Variants in ATP9B observed in about 807,000 individuals in gnomAD.
ATP9B encodes probable phospholipid-transporting ATPase IIB.
Under a neutral mutation model 146.1 loss-of-function variants are expected in ATP9B, and 110 were observed. The observed-to-expected ratio is 0.75, with a 90% CI of 0.65 to 0.88. ATP9B has a LOEUF of 0.88. Ranked by LOEUF, ATP9B falls within the 40% of genes least tolerant of loss-of-function variation. The pLI, the probability that ATP9B is intolerant of heterozygous loss-of-function variation, is 0.00. For synonymous variants in ATP9B, 604 were observed against 569.7 expected, an observed-to-expected ratio of 1.06 and a Z score of -0.86; for missense variants, 1,499 against 1,496.4, an observed-to-expected ratio of 1.00 and a Z score of -0.03.
Position 79,334,023 on chromosome 18 carries a change from G to A in ATP9B, c.2029-2605G>A, listed in dbSNP as rs192791253. 3.1e-3 allele frequency among the ~76,000 whole-genome samples: 472 copies of A among 152,270 alleles called. 1 individual carries two copies. The highest frequency in any genetic ancestry group is 4.5e-3 in the Non-Finnish European group (306 of 68,022). On this transcript the variant is annotated intron_variant, in intron 17 of 29. Transcript: ENST00000426216. ...CAGAGAAGCCCTCTCTACAGGGAGG[G>A]TCACTGTTAAAGCATCTTAAAGTAT...
At chr18:79,081,680 T>C (rs920177997) in intron 1 of ATP9B, among the ~76,000 whole-genome samples, 1 of 150,358 alleles carries the variant, frequency 6.7e-6, no homozygotes, top group Non-Finnish European at 1.5e-5. Flanking sequence ...CAGTTTAGTT[T>C]GGCTGGATAT....
chr18:79,134,186 C>T (rs568051933), intron 5 of ATP9B, among the ~76,000 whole-genome samples: 1 of 152,282 alleles, frequency 6.6e-6, no homozygotes, highest in South Asian at 2.1e-4. Flanking sequence ...CCTTTTCCCT[C>T]TTAGAGACTG....
intron 5 of ATP9B, among the ~76,000 whole-genome samples, chr18:79,132,440 G>A (rs1031667537): frequency 1.3e-5 from 2 of 152,248 alleles, no homozygotes; most frequent in East Asian, 1.9e-4. Context: ...AGAAAGCTGC[G>A]GTTTGTGAAT....
At chr18:79,347,705 C>T in intron 23 of ATP9B, 65 bp from the exon 24 acceptor site, 1 of 1,467,852 alleles carries the variant, frequency 6.8e-7, no homozygotes, top group Non-Finnish European at 9.0e-7. Flanking sequence ...TTCTAAAACT[C>T]ACTTTTGGAG....
In ATP9B at chr18:79,336,966, A is replaced by G. The variant is rs188938204; in HGVS notation, c.2112+255A>G. Among the ~76,000 whole-genome samples, 428 of 151,576 alleles carry G rather than the reference A, an allele frequency of 2.8e-3. 3 individuals carry two copies. Among genetic ancestry groups the G allele is most frequent in the African/African-American group, 9.7e-3 (400 of 41,316 alleles). On this transcript the variant is annotated intron_variant, in intron 18 of 29. Coordinates refer to ENST00000426216, the MANE Select transcript of ATP9B (RefSeq NM_198531.5). ...TAGAATTGTGCTTGATAACTCCTCA[A>G]TGATCACAGTCCAGCCGAGCTGAGT...
intron 9 of ATP9B, among the ~76,000 whole-genome samples, chr18:79,206,078 C>G (rs1338806054): frequency 3.3e-5 from 5 of 151,950 alleles, no homozygotes; most frequent in African/African-American, 4.8e-5. Flanking sequence ...GCAGCTGGGA[C>G]TACAGGTGCC....
Position 79,347,921 on chromosome 18 carries a change from T to G in ATP9B, c.2834T>G (p.Met945Arg), listed in dbSNP as rs1304371135. 1.2e-6 allele frequency: 2 copies of G among 1,613,206 alleles called. No homozygotes were observed. Among genetic ancestry groups the G allele is most frequent in the Non-Finnish European group, 1.7e-6 (2 of 1,179,664 alleles). Residue 945 changes from methionine to arginine, a missense_variant, in exon 24 of 30, where the codon ATG becomes AGG. Transcript: ENST00000426216. ...CACAGGGGCCTTATCATCTCCACCA[T>G]GCAGGTACTAAGCCTTCTGTGCTGG... ...VMHRGLIIST[M>R]QAVFSSVFYF...
intron 9 of ATP9B, among the ~76,000 whole-genome samples, chr18:79,199,793 C>G (rs1474072631): frequency 6.6e-6 from 1 of 151,116 alleles, no homozygotes; most frequent in Non-Finnish European, 1.5e-5. Flanking sequence ...AATGCAGACA[C>G]ACACACACAC....
At chr18:79,166,994 G>A (rs1404886218) in intron 7 of ATP9B, among the ~76,000 whole-genome samples, 1 of 152,202 alleles carries the variant, frequency 6.6e-6, no homozygotes, top group Non-Finnish European at 1.5e-5. Flanking sequence ...GTGTGAGGCT[G>A]TGGCCAAATC....
intron 9 of ATP9B, among the ~76,000 whole-genome samples, chr18:79,206,712 A>G (rs550473373): frequency 6.6e-6 from 1 of 152,330 alleles, no homozygotes; most frequent in East Asian, 1.9e-4. Context: ...TCGTTTGTGT[A>G]TTAATGTTAA....
At chr18:79,368,850 G>A (rs927777960) in intron 26 of ATP9B, among the ~76,000 whole-genome samples, 1 of 151,798 alleles carries the variant, frequency 6.6e-6, no homozygotes, top group East Asian at 1.9e-4. Context: ...TCTACCCTCA[G>A]CAGAGCAGGC....
intron 11 of ATP9B, 98 bp from the exon 12 acceptor site, chr18:79,253,283 A>C: frequency 8.7e-7 from 1 of 1,150,946 alleles, no homozygotes; most frequent in Non-Finnish European, 1.2e-6. Flanking sequence ...AATAAATTTT[A>C]AAGTTTTTTT....
chr18:79,334,967 G>T (rs1458484995), intron 17 of ATP9B, among the ~76,000 whole-genome samples: 1 of 152,200 alleles, frequency 6.6e-6, no homozygotes, highest in African/African-American at 2.4e-5. Flanking sequence ...CACCTGCCTT[G>T]CAGGAACACG....
chr18:79,163,854 T>G (rs2094920288), intron 7 of ATP9B, among the ~76,000 whole-genome samples: 1 of 141,434 alleles, frequency 7.1e-6, no homozygotes. Flanking sequence ...TATTTTATTT[T>G]CATATTTTAT....
intron 27 of ATP9B, among the ~76,000 whole-genome samples, chr18:79,373,484 T>C (rs637350): frequency 6.8e-6 from 1 of 146,724 alleles, no homozygotes; most frequent in Non-Finnish European, 1.5e-5. Flanking sequence ...GCATGGCCAT[T>C]ATCCGCCTTT....
At chr18:79,230,386 AT>A (rs2095779856) in intron 11 of ATP9B, among the ~76,000 whole-genome samples, 1 of 151,686 alleles carries the variant, frequency 6.6e-6, no homozygotes, top group Admixed American at 6.6e-5. Flanking sequence ...TACAAAATTA[AT>A]GTACACAAAT....
intron 7 of ATP9B, among the ~76,000 whole-genome samples, chr18:79,163,159 A>G (rs1049496604): frequency 6.6e-6 from 1 of 152,166 alleles, no homozygotes; most frequent in Non-Finnish European, 1.5e-5. Flanking sequence ...CATCTTTCTG[A>G]TTTGCTAGAG....
chr18:79,257,383 G>T (rs11662071), intron 12 of ATP9B, among the ~76,000 whole-genome samples: 31,875 of 152,214 alleles, frequency 0.21, 3,711 homozygotes, highest in African/African-American at 0.31. Context: ...GGCCCCTGCT[G>T]ACACAGAGCA....
chr18:79,315,549 G>A (rs2096674691), intron 15 of ATP9B, among the ~76,000 whole-genome samples: 1 of 152,220 alleles, frequency 6.6e-6, no homozygotes, highest in Non-Finnish European at 1.5e-5. Flanking sequence ...GTAAGAAAAT[G>A]TATATTTTTA....
Sources: allele counts gnomAD v4.1 joint callset (sites outside exome capture counted in the v4.1 genomes callset), GRCh38; gene constraint gnomAD v4.1.1; transcripts MANE v1.5; gene names NCBI Gene and HGNC (gene_info 2026-07-23, HGNC 2026-07-21).